PDE8A: variants seen among roughly 807,000 people sequenced by gnomAD.
PDE8A encodes the protein phosphodiesterase 8A.
In PDE8A, 59 loss-of-function variants were observed where a neutral mutation model predicts 105.0. The ratio of observed to expected loss-of-function variants is 0.56; its 90% CI spans 0.46 to 0.70. The LOEUF is 0.70. PDE8A is among the 30% of genes least tolerant of loss of function. The pLI is 0.00. For synonymous variants in PDE8A, 355 were observed against 371.9 expected, an observed-to-expected ratio of 0.95 and a Z score of 0.52; for missense variants, 1,014 against 1,045.9, an observed-to-expected ratio of 0.97 and a Z score of 0.42.
chr15:85,091,652 A>T (rs75678757), intron 8 of PDE8A, among the ~76,000 whole-genome samples: 18,011 of 152,186 alleles, frequency 0.12, 1,513 homozygotes, highest in East Asian at 0.37. Context: ...CAAAACAAAA[A>T]TTCCTGCCTT....
intron 1 of PDE8A, among the ~76,000 whole-genome samples, chr15:85,024,615 T>G (rs967259866): frequency 1.3e-5 from 2 of 152,200 alleles, no homozygotes; most frequent in African/African-American, 4.8e-5. Context: ...AACTTCCCTT[T>G]TGCTTTTCTC....
At chr15:85,107,669 G>A (rs992461299) in intron 11 of PDE8A, among the ~76,000 whole-genome samples, 20 of 152,156 alleles carry the variant, frequency 1.3e-4, no homozygotes, top group African/African-American at 4.8e-4. Context: ...GGGTTAAAGA[G>A]CAGATTTGGA....
intron 1 of PDE8A, among the ~76,000 whole-genome samples, chr15:85,018,031 A>G (rs151246421): frequency 6.1e-4 from 93 of 152,278 alleles, no homozygotes; most frequent in African/African-American, 2.1e-3. Flanking sequence ...TGTAGTTATA[A>G]TATCCAGAAT....
At chr15:85,085,392 A>G (rs2081535023) in intron 6 of PDE8A, among the ~76,000 whole-genome samples, 1 of 152,244 alleles carries the variant, frequency 6.6e-6, no homozygotes. Context: ...CTAGATTGGT[A>G]AACTAGAATA....
intron 1 of PDE8A, among the ~76,000 whole-genome samples, chr15:85,007,098 C>T (rs369852924): frequency 2.4e-4 from 36 of 152,164 alleles, no homozygotes; most frequent in African/African-American, 7.2e-4. Flanking sequence ...TTTTGCATTT[C>T]GCAGAATGTC....
intron 16 of PDE8A, among the ~76,000 whole-genome samples, 199 bp from the exon 17 acceptor site, chr15:85,117,442 C>G (rs186490412): frequency 6.6e-6 from 1 of 152,136 alleles, no homozygotes; most frequent in Non-Finnish European, 1.5e-5. Flanking sequence ...AGCTCTCACC[C>G]GTGCATCATG....
intron 1 of PDE8A, among the ~76,000 whole-genome samples, chr15:84,992,600 T>G (rs553712530): frequency 2.0e-4 from 30 of 152,240 alleles, no homozygotes; most frequent in African/African-American, 6.0e-4. Context: ...GGTGGGGCAC[T>G]ATGCAGGACC....
chr15:84,994,127 C>T (rs2079936839), intron 1 of PDE8A, among the ~76,000 whole-genome samples: 1 of 152,144 alleles, frequency 6.6e-6, no homozygotes, highest in South Asian at 2.1e-4. Context: ...TATTTTAAGT[C>T]ACGAATTCAT....
chr15:85,104,054 TC>T (rs1452129513), intron 11 of PDE8A, among the ~76,000 whole-genome samples: 2 of 152,192 alleles, frequency 1.3e-5, no homozygotes, highest in Non-Finnish European at 2.9e-5. Context: ...TGCTCCCTTT[TC>T]CCTGGCCCAT....
chr15:85,120,513 T>G, intron 17 of PDE8A: 1 of 251,928 alleles, frequency 4.0e-6, no homozygotes, highest in East Asian at 7.9e-5. Flanking sequence ...CTAAGGACTT[T>G]TTTGGTGATG....
At chr15:85,042,244 A>G (rs937803455) in intron 1 of PDE8A, among the ~76,000 whole-genome samples, 1 of 152,034 alleles carries the variant, frequency 6.6e-6, no homozygotes, top group Non-Finnish European at 1.5e-5. Flanking sequence ...TGGTGCAATA[A>G]TAGCTCACTG....
intron 6 of PDE8A, among the ~76,000 whole-genome samples, chr15:85,085,675 C>CAAAAAGTAA (rs2081540468): frequency 8.7e-6 from 1 of 115,376 alleles, no homozygotes; most frequent in Non-Finnish European, 1.8e-5. Flanking sequence ...GACTCTGTCT[C>CAAAAAGTAA]AAAAAAAAAA....
chr15:85,097,226 A>T (rs2081770407), intron 8 of PDE8A, among the ~76,000 whole-genome samples: 1 of 152,046 alleles, frequency 6.6e-6, no homozygotes, highest in Non-Finnish European at 1.5e-5. Flanking sequence ...ACCCAGCTCC[A>T]TCCTGGCTTT....
intron 1 of PDE8A, among the ~76,000 whole-genome samples, chr15:85,054,601 G>T (rs2081030354): frequency 6.6e-6 from 1 of 152,164 alleles, no homozygotes; most frequent in South Asian, 2.1e-4. Flanking sequence ...GTTTATTTGT[G>T]TAGAGGTGTT....
chr15:85,062,711 C>T (rs1215540985), intron 1 of PDE8A: 1 of 152,184 alleles, frequency 6.6e-6, no homozygotes, highest in African/African-American at 2.4e-5. Flanking sequence ...GCCTGGGTAC[C>T]TGCTATGTGC....
At chr15:85,121,060 T>C (rs754543031) in intron 18 of PDE8A, 46 bp downstream of exon 18, 5 of 1,071,530 alleles carry the variant, frequency 4.7e-6, no homozygotes, top group Non-Finnish European at 7.0e-6. Context: ...TCTTTCTTTT[T>C]TAAACAGCTA....
At chr15:85,089,247 G>A (rs907491830) in intron 6 of PDE8A, 91 bp from the exon 7 acceptor site, 46 of 719,214 alleles carry the variant, frequency 6.4e-5, no homozygotes, top group African/African-American at 2.7e-4. Flanking sequence ...CTTATAAATC[G>A]GACAAAAAAT....
At chr15:85,042,606 A>T (rs973258105) in intron 1 of PDE8A, among the ~76,000 whole-genome samples, 11 of 152,268 alleles carry the variant, frequency 7.2e-5, no homozygotes, top group African/African-American at 2.6e-4. Flanking sequence ...CTCACTTTCT[A>T]CCCAAAGCTA....
At chr15:85,081,331 C>G (rs1178714665) in intron 5 of PDE8A, among the ~76,000 whole-genome samples, 1 of 152,174 alleles carries the variant, frequency 6.6e-6, no homozygotes, top group African/African-American at 2.4e-5. Flanking sequence ...ATTAGAATCA[C>G]CTGAATAACA....
Sources: gnomAD v4.1 joint callset for allele counts (sites outside exome capture counted in the v4.1 genomes callset) on GRCh38, gnomAD v4.1.1 for gene constraint, MANE v1.5 for transcripts, NCBI Gene and HGNC (gene_info 2026-07-23, HGNC 2026-07-21) for gene names.